SLIT2: variants seen among roughly 807,000 people sequenced by gnomAD.
SLIT2 encodes the protein slit guidance ligand 2.
SLIT2 carries 41 observed loss-of-function variants against 185.7 expected under a neutral mutation model. That is an observed-to-expected ratio of 0.22 (90% CI 0.17 to 0.29). The LOEUF (loss-of-function observed/expected upper bound fraction) is 0.29, where lower values mean the gene tolerates loss of function less well. SLIT2 is among the 10% of genes least tolerant of loss of function. The pLI, the probability that SLIT2 is intolerant of heterozygous loss-of-function variation, is 1.00. For missense variants in SLIT2, 1,571 were observed against 1,909.0 expected, an observed-to-expected ratio of 0.82 and a Z score of 3.30; for synonymous variants, 693 against 680.2, an observed-to-expected ratio of 1.02 and a Z score of -0.29.
Position 20,550,897 on chromosome 4 carries a change from C to G in SLIT2, c.2560C>G (p.Leu854Val), listed in dbSNP as rs1199113894. ...CAATGATCTTTCTGCATTATCACAT[C>G]TGTGAGTACCTAGTTTATGAATATA... ...AFNDLSALSH[L>V]AIGANPLYCD... The change falls in exon 25 of 37, where the codon CTA becomes GTA. Residue 854 changes from leucine to valine, a missense_variant and splice_region_variant. By Grantham distance (32) the Leu-to-Val change is conservative (BLOSUM62 1). Coordinates refer to ENST00000504154, the MANE Select transcript of SLIT2 (RefSeq NM_004787.4). 6.4e-7 allele frequency: 1 copy of G among 1,566,208 alleles called. No individual in the cohort carries two copies. The highest frequency in any genetic ancestry group is 2.2e-5 in the East Asian group (1 of 44,498).
At chr4:20,271,276 G>C (rs1338377059) in intron 4 of SLIT2, among the ~76,000 whole-genome samples, 3 of 150,890 alleles carry the variant, frequency 2.0e-5, no homozygotes, top group African/African-American at 4.9e-5. Flanking sequence ...GGGGAAAAAT[G>C]ATAGGACAAG....
chr4:20,596,451 C>T lies in SLIT2; in HGVS notation c.3357C>T (p.Leu1119=), dbSNP rs771801186. The T allele has an allele frequency of 6.2e-7, 1 of 1,614,002 alleles. No homozygotes were observed. Among genetic ancestry groups the T allele is most frequent in the South Asian group, 1.1e-5 (1 of 91,080 alleles). The change falls in exon 32 of 37, where the codon CTC becomes CTT. Residue 1119 remains leucine, a synonymous_variant. Transcript: ENST00000504154. The stretch of plus-strand genomic sequence containing the variant: ...GTGAGTTTTCTCCACCCATGGTCCT[C>T]CCTCGTACCAGCCCCTGTGATAATT... ...LFCEFSPPMV[L]PRTSPCDNFD...
chr4:20,271,130 C>T (rs1039697062), intron 4 of SLIT2, among the ~76,000 whole-genome samples: 6 of 151,840 alleles, frequency 4.0e-5, no homozygotes, highest in African/African-American at 1.5e-4. Context: ...TCACCTGAAA[C>T]AAATATTCTA....
intron 33 of SLIT2, among the ~76,000 whole-genome samples, chr4:20,600,735 C>G (rs879355348): frequency 2.6e-5 from 4 of 151,980 alleles, no homozygotes; most frequent in Non-Finnish European, 5.9e-5. Flanking sequence ...AATAGAGATA[C>G]AAAATGTGAG....
intron 33 of SLIT2, among the ~76,000 whole-genome samples, chr4:20,604,863 T>A (rs1728667656): frequency 6.7e-6 from 1 of 149,484 alleles, no homozygotes; most frequent in South Asian, 2.1e-4. Flanking sequence ...TTAGATGGAG[T>A]ATTGCTCTGT....
intron 4 of SLIT2, among the ~76,000 whole-genome samples, chr4:20,314,246 C>A (rs767349014): frequency 6.6e-6 from 1 of 152,054 alleles, no homozygotes; most frequent in Non-Finnish European, 1.5e-5. Flanking sequence ...GAAATATAAA[C>A]AATTAATGAA....
chr4:20,354,745 T>C (rs896353884), intron 4 of SLIT2, among the ~76,000 whole-genome samples: 1 of 152,064 alleles, frequency 6.6e-6, no homozygotes, highest in Non-Finnish European at 1.5e-5. Flanking sequence ...ACTATAGAAA[T>C]TGATCTCAGT....
In SLIT2 at chr4:20,463,470, T is replaced by G. The variant is rs1359881803; in HGVS notation, c.396-4282T>G. 9.1e-5 allele frequency among the ~76,000 whole-genome samples: 8 copies of G among 87,808 alleles called. No homozygotes were observed. The South Asian group carries it at 1.9e-3, about 21-fold the overall frequency. 57.6% of individuals were successfully genotyped at this position (87,808 alleles called of 152,430 possible). On this transcript the variant is annotated intron_variant, in intron 4 of 36. Transcript: ENST00000504154. Reference sequence around the variant, plus strand: ...TGTGATATATATATATATATATATATATATATATATATATATATATATGTG... The same window carrying G: ...TGTGATATATATATATATATATATAGATATATATATATATATATATATGTG...
At chr4:20,479,970 C>A (rs1350755401) in intron 5 of SLIT2, among the ~76,000 whole-genome samples, 1 of 152,082 alleles carries the variant, frequency 6.6e-6, no homozygotes, top group African/African-American at 2.4e-5. Context: ...TTTTAAAAAG[C>A]AAAATTGTTA....
chr4:20,518,589 T>TATATATATA (rs1560495149), intron 11 of SLIT2, among the ~76,000 whole-genome samples: 1 of 6,240 alleles, frequency 1.6e-4, no homozygotes, highest in Non-Finnish European at 3.0e-4. Flanking sequence ...ATATATATAT[T>TATATATATA]TTTTTTTTTT....
chr4:20,340,795 G>A (rs888784546), intron 4 of SLIT2, among the ~76,000 whole-genome samples: 1 of 152,062 alleles, frequency 6.6e-6, no homozygotes, highest in African/African-American at 2.4e-5. Flanking sequence ...TAGAGATGGG[G>A]TTTCATTCTA....
At chr4:20,331,779 C>T (rs1199015858) in intron 4 of SLIT2, among the ~76,000 whole-genome samples, 1 of 152,108 alleles carries the variant, frequency 6.6e-6, no homozygotes, top group East Asian at 1.9e-4. Flanking sequence ...TACCCATTGC[C>T]AGTCACTTTT....
chr4:20,262,566 A>G (rs1461109392), intron 3 of SLIT2, among the ~76,000 whole-genome samples: 1 of 151,882 alleles, frequency 6.6e-6, no homozygotes, highest in Non-Finnish European at 1.5e-5. Flanking sequence ...AGCCCATCTC[A>G]AAAGAATTGT....
chr4:20,524,917 C>T (rs916639195), intron 14 of SLIT2, among the ~76,000 whole-genome samples: 41 of 152,058 alleles, frequency 2.7e-4, no homozygotes, highest in African/African-American at 8.7e-4. Flanking sequence ...ATTTCACATT[C>T]GGCAGTTAAT....
At chr4:20,444,953 CT>C (rs1711598819) in intron 4 of SLIT2, among the ~76,000 whole-genome samples, 1 of 152,146 alleles carries the variant, frequency 6.6e-6, no homozygotes, top group South Asian at 2.1e-4. Context: ...CTAACCCATA[CT>C]TTCTTTGTAT....
At chr4:20,360,478 T>C (rs1175462819) in intron 4 of SLIT2, among the ~76,000 whole-genome samples, 1 of 152,168 alleles carries the variant, frequency 6.6e-6, no homozygotes, top group Non-Finnish European at 1.5e-5. Flanking sequence ...AACAGGTTAC[T>C]TAGTAAATTA....
intron 4 of SLIT2, among the ~76,000 whole-genome samples, chr4:20,271,557 G>T (rs111643961): frequency 1.4e-3 from 202 of 147,758 alleles, no homozygotes; most frequent in African/African-American, 4.3e-3. Context: ...CATACTATAT[G>T]CAGAACTCAT....
At chr4:20,366,228 A>G (rs1341198544) in intron 4 of SLIT2, among the ~76,000 whole-genome samples, 2 of 151,544 alleles carry the variant, frequency 1.3e-5, no homozygotes, top group Non-Finnish European at 1.5e-5. Context: ...TCTTTATTCT[A>G]TATCCCTCTA....
intron 5 of SLIT2, among the ~76,000 whole-genome samples, chr4:20,471,307 A>G (rs1021010772): frequency 6.6e-6 from 1 of 152,178 alleles, no homozygotes. Flanking sequence ...GCTATCTGGT[A>G]AAATATATTA....
Sources: gnomAD v4.1 joint callset for allele counts (sites outside exome capture counted in the v4.1 genomes callset) on GRCh38, gnomAD v4.1.1 for gene constraint, MANE v1.5 for transcripts, NCBI Gene and HGNC (gene_info 2026-07-23, HGNC 2026-07-21) for gene names.